Variants in ZFPM2 observed in about 807,000 individuals in gnomAD.
ZFPM2 encodes zinc finger protein, FOG family member 2, also known as zinc finger protein ZFPM2.
Under a neutral mutation model 98.6 loss-of-function variants are expected in ZFPM2, and 20 were observed. The observed-to-expected ratio is 0.20, with a 90% CI of 0.14 to 0.29. The LOEUF (loss-of-function observed/expected upper bound fraction) is 0.29. ZFPM2 is among the 10% of genes least tolerant of loss of function. The pLI, the probability that ZFPM2 is intolerant of heterozygous loss-of-function variation, is 1.00. For synonymous variants in ZFPM2, 518 were observed against 502.7 expected, an observed-to-expected ratio of 1.03 and a Z score of -0.41; for missense variants, 1,310 against 1,388.6, an observed-to-expected ratio of 0.94 and a Z score of 0.90.
intron 5 of ZFPM2, among the ~76,000 whole-genome samples, chr8:105,646,668 T>TC: frequency 6.6e-6 from 1 of 152,170 alleles, no homozygotes; most frequent in Non-Finnish European, 1.5e-5. Context: ...GGTAATGAGG[T>TC]CCCCAAATAA....
At chr8:105,489,707 A>G (rs1813320214) in intron 3 of ZFPM2, among the ~76,000 whole-genome samples, 1 of 151,396 alleles carries the variant, frequency 6.6e-6, no homozygotes, top group Admixed American at 6.6e-5. Context: ...CAGGTGAACC[A>G]CCTGCCTTGG....
intron 5 of ZFPM2, among the ~76,000 whole-genome samples, chr8:105,788,483 G>A (rs546411126): frequency 7.9e-5 from 12 of 152,166 alleles, no homozygotes; most frequent in African/African-American, 2.6e-4. Context: ...TGTTTATACT[G>A]TACTTGATTC....
chr8:105,392,591 G>A (rs896046809), intron 1 of ZFPM2, among the ~76,000 whole-genome samples: 8 of 152,198 alleles, frequency 5.3e-5, no homozygotes, highest in East Asian at 3.9e-4. Context: ...ATTGTGGGCC[G>A]TACAAAAACA....
chr8:105,719,357 A>G (rs539826836), intron 5 of ZFPM2, among the ~76,000 whole-genome samples: 3 of 151,392 alleles, frequency 2.0e-5, no homozygotes, highest in African/African-American at 7.3e-5. Context: ...CGCAATACAC[A>G]CACACACATA....
chr8:105,731,128 C>A (rs1811925700), intron 5 of ZFPM2, among the ~76,000 whole-genome samples: 1 of 151,668 alleles, frequency 6.6e-6, no homozygotes, highest in African/African-American at 2.4e-5. Flanking sequence ...GCTTCAGATC[C>A]ACAATTCCTT....
intron 5 of ZFPM2, among the ~76,000 whole-genome samples, chr8:105,717,635 T>TA (rs35336077): frequency 2.6e-5 from 4 of 151,590 alleles, no homozygotes; most frequent in Non-Finnish European, 4.4e-5. Flanking sequence ...TTTGAACTGT[T>TA]AAAAAAAATA....
intron 5 of ZFPM2, among the ~76,000 whole-genome samples, chr8:105,762,109 C>T (rs193096298): frequency 5.3e-5 from 8 of 151,922 alleles, no homozygotes; most frequent in African/African-American, 9.6e-5. Flanking sequence ...ATTTAAGTTT[C>T]GGATTCTTTT....
At chr8:105,559,757 GAT>G (rs1368992286) in intron 3 of ZFPM2, among the ~76,000 whole-genome samples, 2 of 152,012 alleles carry the variant, frequency 1.3e-5, no homozygotes, top group Non-Finnish European at 2.9e-5. Context: ...ATAAAGAAGA[GAT>G]AGAATTGAAC....
At chr8:105,367,039 A>G (rs1810526607) in intron 1 of ZFPM2, among the ~76,000 whole-genome samples, 1 of 135,680 alleles carries the variant, frequency 7.4e-6, no homozygotes, top group Non-Finnish European at 1.6e-5. Context: ...AGTTGTAGGT[A>G]TGTGGCGTTA....
chr8:105,650,229 T>C (rs1216930038), intron 5 of ZFPM2, among the ~76,000 whole-genome samples: 1 of 152,188 alleles, frequency 6.6e-6, no homozygotes, highest in Non-Finnish European at 1.5e-5. Context: ...GATATCCCTT[T>C]TATCACTTTT....
chr8:105,370,887 C>T (rs919851304), intron 1 of ZFPM2, among the ~76,000 whole-genome samples: 1 of 152,222 alleles, frequency 6.6e-6, no homozygotes, highest in African/African-American at 2.4e-5. Flanking sequence ...AGCCAAAGCT[C>T]TTCATTCCAT....
intron 5 of ZFPM2, among the ~76,000 whole-genome samples, chr8:105,783,573 A>G (rs1184517016): frequency 2.6e-5 from 4 of 152,160 alleles, no homozygotes; most frequent in Admixed American, 2.6e-4. Flanking sequence ...CCTGGCAACC[A>G]CCATTCTACT....
intron 5 of ZFPM2, among the ~76,000 whole-genome samples, chr8:105,701,356 C>G (rs544248956): frequency 2.6e-4 from 40 of 152,188 alleles, no homozygotes; most frequent in Middle Eastern, 3.4e-3. Context: ...GTGGAATTTC[C>G]TACCCTTTAG....
chr8:105,404,815 A>G lies in ZFPM2; in HGVS notation c.41-14329A>G, dbSNP rs563528086. ...CATTAACAGCTCATAAAAACATCAGATATACCTGCCCTTCCACTGTAACTC... is the reference window on the plus strand; with the variant it reads ...CATTAACAGCTCATAAAAACATCAGGTATACCTGCCCTTCCACTGTAACTC... On this transcript the variant is annotated intron_variant, in intron 1 of 7. Transcript: ENST00000407775. Among the ~76,000 whole-genome samples, 183 of 152,198 alleles carry G rather than the reference A, an allele frequency of 1.2e-3. 1 individual carries two copies. The highest frequency in any genetic ancestry group is 2.3e-3 in the Non-Finnish European group (159 of 67,986).
chr8:105,727,203 C>G (rs1811831844), intron 5 of ZFPM2, among the ~76,000 whole-genome samples: 1 of 150,880 alleles, frequency 6.6e-6, no homozygotes, highest in African/African-American at 2.4e-5. Context: ...CAAGAGTACA[C>G]ACCCTTAGTT....
intron 5 of ZFPM2, among the ~76,000 whole-genome samples, chr8:105,733,416 G>T (rs1811992033): frequency 6.6e-6 from 1 of 151,820 alleles, no homozygotes; most frequent in Non-Finnish European, 1.5e-5. Context: ...ACCTCCATTA[G>T]TTTTTTACAA....
chr8:105,729,492 A>G (rs1341124769), intron 5 of ZFPM2, among the ~76,000 whole-genome samples: 3 of 151,824 alleles, frequency 2.0e-5, no homozygotes, highest in South Asian at 2.1e-4. Flanking sequence ...TGTATTGTAT[A>G]GACATTTTAG....
chr8:105,407,384 A>G (rs1811483556), intron 1 of ZFPM2, among the ~76,000 whole-genome samples: 1 of 151,948 alleles, frequency 6.6e-6, no homozygotes, highest in African/African-American at 2.4e-5. Flanking sequence ...ACAGAAACAA[A>G]CCAAAAGCAA....
At chr8:105,653,779 G>A (rs1817227402) in intron 5 of ZFPM2, among the ~76,000 whole-genome samples, 1 of 149,182 alleles carries the variant, frequency 6.7e-6, no homozygotes, top group African/African-American at 2.4e-5. Context: ...CAGAGCATGA[G>A]CGTATCATAA....
Sources: gnomAD v4.1 joint callset for allele counts (sites outside exome capture counted in the v4.1 genomes callset) on GRCh38, gnomAD v4.1.1 for gene constraint, MANE v1.5 for transcripts, NCBI Gene and HGNC (gene_info 2026-07-23, HGNC 2026-07-21) for gene names.